The following CNTN5 variants were observed in gnomAD, a reference collection of about 807,000 sequenced individuals.
CNTN5 encodes the protein contactin-5.
CNTN5 carries 77 observed loss-of-function variants against 129.1 expected under a neutral mutation model. That is an observed-to-expected ratio of 0.60 (90% CI 0.50 to 0.72). CNTN5 has a LOEUF of 0.72. Ranked by LOEUF, CNTN5 falls within the 30% of genes least tolerant of loss-of-function variation. The probability of loss-of-function intolerance (pLI) is 0.00; values close to 1 mark genes in which losing one functional copy is unlikely to be tolerated. For missense variants in CNTN5, 1,478 were observed against 1,328.8 expected (o/e 1.11, Z -1.75); for synonymous variants, 509 against 465.6 (o/e 1.09, Z -1.20).
chr11:99,750,653 A>G (rs899603210), intron 3 of CNTN5, among the ~76,000 whole-genome samples: 1 of 152,188 alleles, frequency 6.6e-6, no homozygotes, highest in Non-Finnish European at 1.5e-5. Context: ...ATCTAACTAA[A>G]TATACTGTGG....
intron 3 of CNTN5, among the ~76,000 whole-genome samples, chr11:99,591,577 A>G (rs552185954): frequency 2.0e-5 from 3 of 152,116 alleles, no homozygotes; most frequent in African/African-American, 7.2e-5. Context: ...TGACATCATG[A>G]TCCACCCACC....
chr11:100,231,310 A>G (rs1555045264), intron 16 of CNTN5, among the ~76,000 whole-genome samples: 1 of 152,222 alleles, frequency 6.6e-6, no homozygotes. Context: ...AGATGGGACA[A>G]TAACGGTAAT....
chr11:99,588,627 C>A (rs990423792), intron 3 of CNTN5, among the ~76,000 whole-genome samples: 1 of 152,074 alleles, frequency 6.6e-6, no homozygotes, highest in Middle Eastern at 3.2e-3. Context: ...AGTCTTCAAT[C>A]CATTTTATTT....
At chr11:99,707,819 CTATTA>C (rs1450095322) in intron 3 of CNTN5, among the ~76,000 whole-genome samples, 1 of 151,542 alleles carries the variant, frequency 6.6e-6, no homozygotes, top group Non-Finnish European at 1.5e-5. Flanking sequence ...GAAATATGCT[CTATTA>C]TAATATCTAA....
At chr11:99,244,850 A>T (rs1861738126) in intron 1 of CNTN5, among the ~76,000 whole-genome samples, 1 of 152,132 alleles carries the variant, frequency 6.6e-6, no homozygotes, top group Non-Finnish European at 1.5e-5. Context: ...CCTCTCTCCT[A>T]TTCCTTCCTG....
intron 3 of CNTN5, among the ~76,000 whole-genome samples, chr11:99,569,968 A>C (rs2135574102): frequency 6.6e-6 from 1 of 152,242 alleles, no homozygotes; most frequent in African/African-American, 2.4e-5. Context: ...AACAACCAAT[A>C]AAAAATTACT....
intron 13 of CNTN5, among the ~76,000 whole-genome samples, chr11:100,075,719 G>A (rs565191551): frequency 4.2e-4 from 64 of 152,246 alleles, no homozygotes; most frequent in African/African-American, 1.5e-3. Context: ...CAAGGGAGAA[G>A]GGAGAAGGTC....
chr11:100,085,904 C>CA (rs1157495826), intron 13 of CNTN5, among the ~76,000 whole-genome samples: 1 of 151,962 alleles, frequency 6.6e-6, no homozygotes, highest in African/African-American at 2.4e-5. Flanking sequence ...GGGGAACTGC[C>CA]ATTGAAGTGG....
chr11:99,046,346 GA>G, intron 1 of CNTN5, among the ~76,000 whole-genome samples: 1 of 152,098 alleles, frequency 6.6e-6, no homozygotes, highest in Non-Finnish European at 1.5e-5. Context: ...TCTCAAAAAA[GA>G]AAAGTCTAAG....
At chr11:100,234,792 TAAAAAAAAAAAA>T (rs781363668) in intron 16 of CNTN5, among the ~76,000 whole-genome samples, 7 of 102,094 alleles carry the variant, frequency 6.9e-5, no homozygotes, top group South Asian at 4.1e-4. Flanking sequence ...TCCCAGAATT[TAAAAAAAAAAAA>T]AAAAAAAAAA....
intron 13 of CNTN5, among the ~76,000 whole-genome samples, chr11:100,082,559 T>A (rs936990797): frequency 6.6e-6 from 1 of 152,150 alleles, no homozygotes; most frequent in Non-Finnish European, 1.5e-5. Context: ...CCCAAATTGC[T>A]AAGATTATAC....
At chr11:100,043,889 T>G (rs368129739) in intron 9 of CNTN5, among the ~76,000 whole-genome samples, 15 of 152,176 alleles carry the variant, frequency 9.9e-5, no homozygotes, top group Admixed American at 3.3e-4. Context: ...GCATTCACTT[T>G]GTTTTTTATT....
At chr11:99,590,388 A>G (rs1949940919) in intron 3 of CNTN5, among the ~76,000 whole-genome samples, 1 of 152,198 alleles carries the variant, frequency 6.6e-6, no homozygotes, top group Admixed American at 6.5e-5. Context: ...TATTAGCTGT[A>G]TGACTTTGTG....
At chr11:99,120,858 TTAATTAA>T (rs1858284618) in intron 1 of CNTN5, among the ~76,000 whole-genome samples, 1 of 152,180 alleles carries the variant, frequency 6.6e-6, no homozygotes, top group Non-Finnish European at 1.5e-5. Flanking sequence ...GGACTTTGGG[TTAATTAA>T]TAATTTATCA....
chr11:99,619,880 G>C (rs992798897), intron 3 of CNTN5, among the ~76,000 whole-genome samples: 5 of 151,742 alleles, frequency 3.3e-5, no homozygotes, highest in African/African-American at 1.2e-4. Flanking sequence ...CAAAAAATTA[G>C]CCGGGCATGG....
At chr11:99,247,643 G>A (rs1176228852) in intron 1 of CNTN5, among the ~76,000 whole-genome samples, 1 of 151,890 alleles carries the variant, frequency 6.6e-6, no homozygotes, top group Non-Finnish European at 1.5e-5. Context: ...CCTGGTGTGT[G>A]ATGTTCCCCT....
intron 8 of CNTN5, among the ~76,000 whole-genome samples, chr11:99,987,184 T>G (rs1938738572): frequency 6.6e-6 from 1 of 152,088 alleles, no homozygotes; most frequent in South Asian, 2.1e-4. Flanking sequence ...TCACTAATTG[T>G]CATCAAATAT....
At chr11:99,840,645 A>G (rs917955113) in intron 4 of CNTN5, among the ~76,000 whole-genome samples, 1 of 152,092 alleles carries the variant, frequency 6.6e-6, no homozygotes. Context: ...GGAAAAAAAC[A>G]CAGAAAACCA....
intron 13 of CNTN5, among the ~76,000 whole-genome samples, chr11:100,113,693 T>C (rs1437358181): frequency 6.6e-6 from 1 of 151,926 alleles, no homozygotes; most frequent in Non-Finnish European, 1.5e-5. Context: ...TCTAAATGGG[T>C]CACATTTCTG....
Sources: allele counts gnomAD v4.1 joint callset (sites outside exome capture counted in the v4.1 genomes callset), GRCh38; gene constraint gnomAD v4.1.1; transcripts MANE v1.5; gene names NCBI Gene and HGNC (gene_info 2026-07-23, HGNC 2026-07-21).